The following MUSK variants were observed in gnomAD, a reference collection of about 807,000 sequenced individuals.
The protein encoded by MUSK is muscle, skeletal receptor tyrosine-protein kinase.
MUSK carries 55 observed loss-of-function variants against 88.7 expected under a neutral mutation model. The observed-to-expected ratio is 0.62, with a 90% CI of 0.50 to 0.78. The LOEUF (loss-of-function observed/expected upper bound fraction) is 0.78. MUSK is among the 30% of genes least tolerant of loss of function. The probability of loss-of-function intolerance (pLI) is 0.00; values close to 1 mark genes in which losing one functional copy is unlikely to be tolerated. For synonymous variants in MUSK, 387 were observed against 391.9 expected (o/e 0.99, Z 0.15); for missense variants, 1,015 against 1,074.3 (o/e 0.94, Z 0.77).
intron 6 of MUSK, among the ~76,000 whole-genome samples, chr9:110,735,648 T>C (rs2077021726): frequency 6.6e-6 from 1 of 152,060 alleles, no homozygotes; most frequent in African/African-American, 2.4e-5. Flanking sequence ...ATTAGTCAGT[T>C]CTCGCATCGC....
intron 3 of MUSK, among the ~76,000 whole-genome samples, chr9:110,690,879 T>G (rs1237599224): frequency 7.1e-6 from 1 of 140,202 alleles, no homozygotes; most frequent in African/African-American, 2.6e-5. Context: ...AATAAATATA[T>G]ATATATTTTT....
At chr9:110,724,130 T>A (rs2076852865) in intron 5 of MUSK, among the ~76,000 whole-genome samples, 1 of 152,032 alleles carries the variant, frequency 6.6e-6, no homozygotes. Context: ...TACTATTATA[T>A]GTATTTCAAT....
chr9:110,720,993 C>T (rs2076803619), intron 5 of MUSK, among the ~76,000 whole-genome samples: 2 of 151,874 alleles, frequency 1.3e-5, no homozygotes, highest in African/African-American at 4.8e-5. Context: ...ACAAAAATCA[C>T]GATCATCTCA....
intron 14 of MUSK, among the ~76,000 whole-genome samples, chr9:110,796,883 G>A (rs1226953957): frequency 4.1e-4 from 6 of 14,510 alleles, no homozygotes; most frequent in African/African-American, 1.9e-3. Flanking sequence ...ACCAAACACC[G>A]CATATTCTCA....
intron 6 of MUSK, among the ~76,000 whole-genome samples, chr9:110,737,901 C>T (rs1370144051): frequency 2.0e-5 from 3 of 152,114 alleles, no homozygotes; most frequent in African/African-American, 7.2e-5. Context: ...CTATAGGAAC[C>T]CACAACAGAA....
Position 110,800,900 on chromosome 9 carries a change from A to G in MUSK, c.2522A>G (p.Lys841Arg). 2 of 1,555,156 alleles carry G rather than the reference A, an allele frequency of 1.3e-6. No individual in the cohort carries two copies. Among genetic ancestry groups the G allele is most frequent in the Non-Finnish European group, 1.7e-6 (2 of 1,150,782 alleles). The change falls in exon 15 of 15, where the codon AAG (lysine) becomes AGG (arginine). Residue 841 changes from lysine to arginine, a missense_variant. Transcript: ENST00000374448. ...LYNLMRLCWS[K>R]LPADRPSFTS... ...AATCTCATGCGTCTATGTTGGAGCA[A>G]GCTGCCTGCAGACAGACCCAGTTTC...
chr9:110,771,481 C>G lies in MUSK; in HGVS notation c.1184+3398C>G, dbSNP rs182891944. ...CAACTAGTTTTGCTTGTTCCTGAAT[C>G]TCATACTCATGAAATTGTATAATAT... On this transcript the variant is annotated intron_variant, in intron 9 of 14. Coordinates refer to ENST00000374448, the MANE Select transcript of MUSK (RefSeq NM_005592.4). 3.1e-4 allele frequency among the ~76,000 whole-genome samples: 47 copies of G among 152,192 alleles called. 1 individual carries two copies. The highest frequency in any genetic ancestry group is 5.3e-4 in the Non-Finnish European group (36 of 68,000).
intron 4 of MUSK, 105 bp from the exon 5 acceptor site, chr9:110,697,220 T>A (rs529933737): frequency 5.0e-6 from 6 of 1,198,114 alleles, no homozygotes; most frequent in African/African-American, 3.0e-5. Flanking sequence ...CAAAGCGATA[T>A]CTTTGATGAT....
At chr9:110,708,158 G>A (rs1313549170) in intron 5 of MUSK, among the ~76,000 whole-genome samples, 8 of 151,690 alleles carry the variant, frequency 5.3e-5, no homozygotes, top group Non-Finnish European at 7.4e-5. Flanking sequence ...AGAAGCAGAT[G>A]TCAATAGACA....
chr9:110,787,299 T>C (rs2077886188), intron 13 of MUSK, among the ~76,000 whole-genome samples: 1 of 145,424 alleles, frequency 6.9e-6, no homozygotes, highest in Admixed American at 7.0e-5. Context: ...TATGTGGAGC[T>C]TGCAGTGAGC....
chr9:110,735,824 C>T (rs542010630), intron 6 of MUSK, among the ~76,000 whole-genome samples: 1 of 152,030 alleles, frequency 6.6e-6, no homozygotes, highest in East Asian at 1.9e-4. Flanking sequence ...TCTCACATGG[C>T]CAGAGCAGGA....
chr9:110,690,309 T>A (rs1457766436), intron 3 of MUSK, among the ~76,000 whole-genome samples: 1 of 103,580 alleles, frequency 9.7e-6, no homozygotes, highest in African/African-American at 4.0e-5. Context: ...TATTTAAGTA[T>A]AAATATAGAA....
intron 3 of MUSK, among the ~76,000 whole-genome samples, chr9:110,689,709 A>ATATATATTATATATAAATAT (rs1259002278): frequency 1.8e-5 from 1 of 55,306 alleles, no homozygotes; most frequent in African/African-American, 8.4e-5. Context: ...ATAAATATAT[A>ATATATATTATATATAAATAT]ACTATATATG....
At chr9:110,686,480 A>T (rs577092654) in intron 2 of MUSK, among the ~76,000 whole-genome samples, 6 of 152,158 alleles carry the variant, frequency 3.9e-5, no homozygotes, top group Non-Finnish European at 7.4e-5. Context: ...ACTCTCTTTT[A>T]TATTGCTGCT....
At chr9:110,736,720 T>C (rs1182766068) in intron 6 of MUSK, among the ~76,000 whole-genome samples, 1 of 152,082 alleles carries the variant, frequency 6.6e-6, no homozygotes, top group Non-Finnish European at 1.5e-5. Flanking sequence ...CTGCTGTGCA[T>C]TGTTTTGTAT....
rs765028137 is a variant in MUSK at position 110,762,187 on chromosome 9, C to G, written c.914-15C>G. 13 of 1,441,470 alleles carry G rather than the reference C, an allele frequency of 9.0e-6. No homozygotes were observed. Among genetic ancestry groups the G allele is most frequent in the Non-Finnish European group, 1.2e-5 (13 of 1,092,150 alleles). The allele number at this position is 1,441,470 out of a possible 1,614,324, so 89.3% of individuals were successfully genotyped here. On this transcript the variant is annotated splice_polypyrimidine_tract_variant and intron_variant, in intron 7 of 14. Transcript: ENST00000374448. ...TAATTTGACTTCCTGTGGGAACTTC[C>G]TTTCCTGTTAATAGAATGGAGGTAA...
At chr9:110,774,898 C>A (rs943233226) in intron 9 of MUSK, among the ~76,000 whole-genome samples, 20 of 149,540 alleles carry the variant, frequency 1.3e-4, no homozygotes, top group African/African-American at 5.0e-4. Flanking sequence ...CACACTCTTA[C>A]AATTTCCTCC....
At chr9:110,722,253 G>T (rs916070047) in intron 5 of MUSK, among the ~76,000 whole-genome samples, 1 of 152,090 alleles carries the variant, frequency 6.6e-6, no homozygotes, top group East Asian at 1.9e-4. Context: ...GACTTGGCCG[G>T]GTGCATTGGC....
At chr9:110,788,505 G>A (rs2077912491) in intron 14 of MUSK, among the ~76,000 whole-genome samples, 1 of 151,766 alleles carries the variant, frequency 6.6e-6, no homozygotes, top group African/African-American at 2.4e-5. Flanking sequence ...GGTGGTGTGG[G>A]CCTGTAATCC....
Sources: gnomAD v4.1 joint callset for allele counts (sites outside exome capture counted in the v4.1 genomes callset) on GRCh38, gnomAD v4.1.1 for gene constraint, MANE v1.5 for transcripts, NCBI Gene and HGNC (gene_info 2026-07-23, HGNC 2026-07-21) for gene names.